PRR5L: variants seen among roughly 807,000 people sequenced by gnomAD.
The protein encoded by PRR5L is proline-rich protein 5-like.
PRR5L carries 21 observed loss-of-function variants against 36.4 expected under a neutral mutation model. That is an observed-to-expected ratio of 0.58 (90% CI 0.41 to 0.83). The LOEUF is 0.83. PRR5L is among the 40% of genes least tolerant of loss of function. PRR5L has a pLI of 0.00. For synonymous variants in PRR5L, 188 were observed against 197.0 expected (o/e 0.95, Z 0.38); for missense variants, 381 against 473.3 (o/e 0.80, Z 1.81).
At chr11:36,305,149 T>G (rs1051213591) in intron 1 of PRR5L, among the ~76,000 whole-genome samples, 2 of 152,220 alleles carry the variant, frequency 1.3e-5, no homozygotes, top group African/African-American at 4.8e-5. Context: ...AATGAAGAGA[T>G]AAATAAAATT....
At chr11:36,455,483 AC>A (rs1045194212) in intron 8 of PRR5L, 1 of 152,780 alleles carries the variant, frequency 6.5e-6, no homozygotes, top group Non-Finnish European at 1.5e-5. Flanking sequence ...CCTTGGCCTC[AC>A]CCCGTGTGAA....
chr11:36,360,033 TCACACA>T (rs34561988), intron 1 of PRR5L, among the ~76,000 whole-genome samples: 18,833 of 146,396 alleles, frequency 0.13, 1,193 homozygotes, highest in African/African-American at 0.15. Context: ...TGAGACTCTG[TCACACA>T]CACACACACA....
chr11:36,432,758 T>C (rs1265781149), intron 5 of PRR5L, among the ~76,000 whole-genome samples: 2 of 152,136 alleles, frequency 1.3e-5, no homozygotes, highest in African/African-American at 4.8e-5. Flanking sequence ...GAACCGTAGA[T>C]CAAACTTACT....
At chr11:36,450,863 T>A (rs563599236) in intron 7 of PRR5L, among the ~76,000 whole-genome samples, 9 of 152,364 alleles carry the variant, frequency 5.9e-5, no homozygotes, top group South Asian at 4.1e-4. Flanking sequence ...ATATGTTAAA[T>A]GTCTCTGTGC....
At chr11:36,337,815 T>C (rs1248920873) in intron 1 of PRR5L, among the ~76,000 whole-genome samples, 2 of 152,244 alleles carry the variant, frequency 1.3e-5, no homozygotes, top group Non-Finnish European at 2.9e-5. Context: ...TTATGAATAA[T>C]TTCAGGCACA....
intron 1 of PRR5L, among the ~76,000 whole-genome samples, chr11:36,310,681 C>G (rs1432026413): frequency 6.6e-6 from 1 of 152,130 alleles, no homozygotes; most frequent in Admixed American, 6.6e-5. Flanking sequence ...ATTTATACAG[C>G]AACTTCCTTA....
At chr11:36,300,234 C>A (rs1856360563) in intron 1 of PRR5L, among the ~76,000 whole-genome samples, 1 of 152,188 alleles carries the variant, frequency 6.6e-6, no homozygotes, top group Admixed American at 6.5e-5. Flanking sequence ...AAGCATGGCA[C>A]TTGCATCTGC....
At chr11:36,361,157 T>C (rs932004580) in intron 1 of PRR5L, among the ~76,000 whole-genome samples, 1 of 152,216 alleles carries the variant, frequency 6.6e-6, no homozygotes, top group African/African-American at 2.4e-5. Flanking sequence ...TAATATATTA[T>C]TTGCCTTTTC....
intron 4 of PRR5L, 146 bp from the exon 5 acceptor site, chr11:36,431,707 G>A: frequency 1.5e-6 from 1 of 648,354 alleles, no homozygotes. Flanking sequence ...CCTTCCAAGA[G>A]GAAAAAAGGC....
intron 1 of PRR5L, among the ~76,000 whole-genome samples, chr11:36,383,700 T>TC (rs1231853338): frequency 7.1e-6 from 1 of 139,862 alleles, no homozygotes; most frequent in African/African-American, 3.1e-5. Flanking sequence ...TTTTCCTTTT[T>TC]TTTTTTTTTT....
At chr11:36,334,123 T>G (rs12421413) in intron 1 of PRR5L, among the ~76,000 whole-genome samples, 15,694 of 152,116 alleles carry the variant, frequency 0.1, 1,551 homozygotes, top group African/African-American at 0.27. Context: ...TGGCAATTCT[T>G]CTCACATGCC....
At chr11:36,346,034 T>C (rs1435106846) in intron 1 of PRR5L, among the ~76,000 whole-genome samples, 1 of 152,230 alleles carries the variant, frequency 6.6e-6, no homozygotes, top group African/African-American at 2.4e-5. Flanking sequence ...CTCTTCATTA[T>C]ACTCAGTTTC....
chr11:36,410,507 C>T (rs1169621640), intron 3 of PRR5L, among the ~76,000 whole-genome samples: 2 of 152,126 alleles, frequency 1.3e-5, no homozygotes, highest in Non-Finnish European at 2.9e-5. Context: ...CTCTGAGCAT[C>T]GATCTTATCT....
intron 1 of PRR5L, among the ~76,000 whole-genome samples, chr11:36,369,233 A>G (rs1399276460): frequency 1.3e-5 from 2 of 152,204 alleles, no homozygotes; most frequent in African/African-American, 4.8e-5. Context: ...TGATGACTGC[A>G]GTGCAGAGAG....
chr11:36,343,676 A>G (rs1856837525), intron 1 of PRR5L, among the ~76,000 whole-genome samples: 1 of 152,176 alleles, frequency 6.6e-6, no homozygotes, highest in Non-Finnish European at 1.5e-5. Context: ...ATCAGCCTTT[A>G]TAGTGGTTTC....
At chr11:36,376,345 A>AGAGGAGGAGGAGGAGGAG (rs145114661) in intron 1 of PRR5L, 1 of 860,142 alleles carries the variant, frequency 1.2e-6, no homozygotes, top group Non-Finnish European at 1.4e-6. Flanking sequence ...AGGAGGAGGA[A>AGAGGAGGAGGAGGAGGAG]GAGGAGGAGG....
chr11:36,401,885 A>T (rs928405024), intron 2 of PRR5L, among the ~76,000 whole-genome samples: 3 of 152,222 alleles, frequency 2.0e-5, no homozygotes, highest in African/African-American at 4.8e-5. Flanking sequence ...ATTCATGCTC[A>T]TTAGTCACAC....
At chr11:36,347,874 T>C (rs1394218996) in intron 1 of PRR5L, among the ~76,000 whole-genome samples, 1 of 152,052 alleles carries the variant, frequency 6.6e-6, no homozygotes, top group Non-Finnish European at 1.5e-5. Flanking sequence ...GGGCCTGAAC[T>C]TTGGGATAGA....
chr11:36,367,319 C>T (rs141290295), intron 1 of PRR5L, among the ~76,000 whole-genome samples: 10 of 152,312 alleles, frequency 6.6e-5, no homozygotes, highest in African/African-American at 1.9e-4. Flanking sequence ...GTCAATAACA[C>T]ACAAGTTCTC....
Sources: allele counts gnomAD v4.1 joint callset (sites outside exome capture counted in the v4.1 genomes callset), GRCh38; gene constraint gnomAD v4.1.1; transcripts MANE v1.5; gene names NCBI Gene and HGNC (gene_info 2026-07-23, HGNC 2026-07-21).